Variants in GNG4 observed in about 807,000 individuals in gnomAD.
The protein encoded by GNG4 is guanine nucleotide-binding protein G(I)/G(S)/G(O) subunit gamma-4.
In GNG4, 4 loss-of-function variants were observed where a neutral mutation model predicts 5.8. That is an observed-to-expected ratio of 0.69 (90% CI 0.34 to 1.57). The LOEUF (loss-of-function observed/expected upper bound fraction) is 1.57. Ranked by LOEUF, GNG4 falls within the 40% of genes most tolerant of loss-of-function variation. The pLI is 0.06. For synonymous variants in GNG4, 29 were observed against 32.9 expected (o/e 0.88, Z 0.41); for missense variants, 96 against 95.1 (o/e 1.01, Z -0.04).
chr1:235,587,579 GGCGGTGA>G (rs1687829921), intron 2 of GNG4, among the ~76,000 whole-genome samples: 2 of 51,778 alleles, frequency 3.9e-5, no homozygotes, highest in Admixed American at 2.4e-4. Flanking sequence ...GGTGTGGGGT[GGCGGTGA>G]GTGTGAGTGT....
intron 2 of GNG4, among the ~76,000 whole-genome samples, chr1:235,587,797 G>T (rs1687856215): frequency 7.4e-6 from 1 of 135,504 alleles, no homozygotes; most frequent in Non-Finnish European, 1.6e-5. Context: ...TGTGTGTGAA[G>T]GTGAGAGTGT....
At chr1:235,573,573 C>A (rs901890351) in intron 3 of GNG4, among the ~76,000 whole-genome samples, 10 of 151,948 alleles carry the variant, frequency 6.6e-5, no homozygotes, top group African/African-American at 1.9e-4. Flanking sequence ...GTCAGGAGAT[C>A]GAGACCATCC....
intron 1 of GNG4, among the ~76,000 whole-genome samples, chr1:235,612,819 G>A (rs566941724): frequency 3.3e-5 from 5 of 152,248 alleles, no homozygotes; most frequent in East Asian, 1.9e-4. Flanking sequence ...CATCATGCCC[G>A]TCCTGGGTAG....
intron 3 of GNG4, among the ~76,000 whole-genome samples, chr1:235,558,266 T>C (rs1686969635): frequency 6.6e-6 from 1 of 152,172 alleles, no homozygotes; most frequent in Admixed American, 6.5e-5. Flanking sequence ...ATGGCCCACT[T>C]ACGCACAGCT....
intron 3 of GNG4, among the ~76,000 whole-genome samples, chr1:235,576,122 G>A (rs1381997215): frequency 3.4e-5 from 5 of 146,636 alleles, no homozygotes; most frequent in Middle Eastern, 3.5e-3. Flanking sequence ...GTGCAGTGGC[G>A]TGATCTGGGC....
intron 2 of GNG4, among the ~76,000 whole-genome samples, chr1:235,587,518 GTGTGTT>G (rs1219246118): frequency 1.3e-4 from 10 of 79,684 alleles, no homozygotes; most frequent in South Asian, 4.3e-4. Flanking sequence ...TGTGAGGTGG[GTGTGTT>G]GTGGGTGTGT....
chr1:235,639,294 T>C (rs1338891525), intron 1 of GNG4, among the ~76,000 whole-genome samples: 1 of 152,232 alleles, frequency 6.6e-6, no homozygotes, highest in Non-Finnish European at 1.5e-5. Context: ...TCATCAGGAA[T>C]AAGTAGTTCA....
chr1:235,605,961 G>GC (rs1571909743), intron 1 of GNG4, among the ~76,000 whole-genome samples: 1 of 133,502 alleles, frequency 7.5e-6, no homozygotes, highest in East Asian at 2.1e-4. Context: ...AGTGTGGGGG[G>GC]GTGGGTCTCA....
intron 1 of GNG4, among the ~76,000 whole-genome samples, chr1:235,622,552 A>G (rs989408952): frequency 6.6e-6 from 1 of 152,072 alleles, no homozygotes; most frequent in African/African-American, 2.4e-5. Context: ...CATCTCTACT[A>G]AAAATACAAA....
At chr1:235,624,365 A>C (rs1480412167) in intron 1 of GNG4, among the ~76,000 whole-genome samples, 1 of 151,226 alleles carries the variant, frequency 6.6e-6, no homozygotes, top group African/African-American at 2.4e-5. Context: ...ACCCGCCTCA[A>C]CCTCCCAAAG....
intron 2 of GNG4, among the ~76,000 whole-genome samples, chr1:235,594,008 A>G (rs1410809936): frequency 6.6e-6 from 1 of 152,112 alleles, no homozygotes; most frequent in African/African-American, 2.4e-5. Context: ...TGAATGGTCC[A>G]TTTTACAGAG....
In GNG4 at chr1:235,644,251, G is replaced by A. The variant is rs893156782; in HGVS notation, c.-123+5411C>T. ...GCGGGAGGGAGCGTGTGAGACCCAC[G>A]AAGGCCTTGCCCTGGACCTACACCT... On this transcript the variant is annotated intron_variant, in intron 1 of 3. Coordinates refer to ENST00000391854, the MANE Select transcript of GNG4 (RefSeq NM_001098722.2). The surrounding 1 kb of genome is among the most constrained non-coding windows in gnomAD (Gnocchi z 5.9). Among the ~76,000 whole-genome samples the A allele has an allele frequency of 6.6e-6, 1 of 152,058 alleles. No homozygotes were observed. The highest frequency in any genetic ancestry group is 1.5e-5 in the Non-Finnish European group (1 of 68,000).
chr1:235,579,022 G>A (rs2841874), intron 3 of GNG4, among the ~76,000 whole-genome samples: 104,716 of 151,096 alleles, frequency 0.69, 36,676 homozygotes, highest in East Asian at 0.87. Flanking sequence ...GCTTGAACCC[G>A]CGAGGCAGGG....
intron 3 of GNG4, among the ~76,000 whole-genome samples, chr1:235,564,044 A>G (rs544303454): frequency 6.6e-6 from 1 of 152,342 alleles, no homozygotes; most frequent in South Asian, 2.1e-4. Flanking sequence ...TGGACTGGAT[A>G]AGAAAATGTA....
At chr1:235,589,983 C>T (rs771330516) in intron 2 of GNG4, among the ~76,000 whole-genome samples, 1 of 152,152 alleles carries the variant, frequency 6.6e-6, no homozygotes, top group Non-Finnish European at 1.5e-5. Flanking sequence ...CAGTAGACCG[C>T]TCCCCTCCCC....
chr1:235,645,519 T>C (rs756886796), intron 1 of GNG4, among the ~76,000 whole-genome samples: 1 of 152,142 alleles, frequency 6.6e-6, no homozygotes, highest in Non-Finnish European at 1.5e-5. Context: ...ATGTTCAGGC[T>C]GGGCATGGTG....
intron 2 of GNG4, among the ~76,000 whole-genome samples, chr1:235,587,499 G>A (rs1389975735): frequency 1.9e-4 from 9 of 48,522 alleles, no homozygotes; most frequent in Non-Finnish European, 3.7e-4. Context: ...GGGGGTGGGG[G>A]TGTGTGAATG....
chr1:235,625,257 G>C (rs1164880249), intron 1 of GNG4, among the ~76,000 whole-genome samples: 1 of 152,010 alleles, frequency 6.6e-6, no homozygotes, highest in African/African-American at 2.4e-5. Context: ...AAACTTCCCG[G>C]CATTTAAAAA....
chr1:235,623,764 G>A (rs115215960), intron 1 of GNG4, among the ~76,000 whole-genome samples: 1 of 152,284 alleles, frequency 6.6e-6, no homozygotes, highest in East Asian at 1.9e-4. Context: ...CTCCGCCACA[G>A]CAGCCCCCCT....
Sources: gnomAD v4.1 joint callset for allele counts (sites outside exome capture counted in the v4.1 genomes callset) on GRCh38, gnomAD v4.1.1 for gene constraint, Gnocchi (gnomAD v3.1) non-coding constraint, MANE v1.5 for transcripts, NCBI Gene and HGNC (gene_info 2026-07-23, HGNC 2026-07-21) for gene names.